FBXL2: variants seen among roughly 807,000 people sequenced by gnomAD.
FBXL2 encodes the protein F-box and leucine rich repeat protein 2, also known as F-box/LRR-repeat protein 2.
FBXL2 carries 38 observed loss-of-function variants against 69.2 expected under a neutral mutation model. The observed-to-expected ratio is 0.55, with a 90% CI of 0.42 to 0.72. The LOEUF (loss-of-function observed/expected upper bound fraction) is 0.72, where lower values mean the gene tolerates loss of function less well. FBXL2 is among the 30% of genes least tolerant of loss of function. The pLI is 0.00. For synonymous variants in FBXL2, 192 were observed against 201.3 expected (o/e 0.95, Z 0.39); for missense variants, 354 against 520.3 (o/e 0.68, Z 3.11).
intron 2 of FBXL2, among the ~76,000 whole-genome samples, chr3:33,346,471 A>G (rs951525793): frequency 2.6e-5 from 4 of 151,912 alleles, no homozygotes; most frequent in African/African-American, 9.7e-5. Context: ...ACTCAGGAGG[A>G]TCCCTTGAGC....
chr3:33,331,885 A>G (rs2039194009), intron 2 of FBXL2, among the ~76,000 whole-genome samples: 2 of 152,340 alleles, frequency 1.3e-5, no homozygotes, highest in Admixed American at 1.3e-4. Context: ...AGATGAAGAT[A>G]CAGAGATATA....
downstream of FBXL2, chr3:33,392,274 T>C: frequency 3.3e-6 from 1 of 303,326 alleles, no homozygotes; most frequent in Non-Finnish European, 6.0e-6. Flanking sequence ...TTCTGTTTTA[T>C]TCAATAGATC....
chr3:33,389,037 G>A (rs996701501), downstream of FBXL2: 1 of 152,448 alleles, frequency 6.6e-6, no homozygotes, highest in Admixed American at 6.5e-5. Flanking sequence ...TACACCACAG[G>A]CCTCAAACAT....
chr3:33,416,608 T>A, the FBXL2 span: 2 of 577,530 alleles, frequency 3.5e-6, no homozygotes, highest in Non-Finnish European at 5.9e-6. Flanking sequence ...CTGCTATAAT[T>A]CCCATTTTAC....
the FBXL2 span, among the ~76,000 whole-genome samples, chr3:33,417,462 G>GTCCTTTTTATTGCCAAATAATATTCAT: frequency 6.6e-6 from 1 of 152,154 alleles, no homozygotes; most frequent in Non-Finnish European, 1.5e-5. Flanking sequence ...GTATATATCA[G>GTCCTTTTTATTGCCAAATAATATTCAT]TCCTTTTTAT....
intron 5 of FBXL2, chr3:33,372,809 G>A: frequency 1.9e-6 from 1 of 529,682 alleles, no homozygotes; most frequent in East Asian, 3.3e-5. Context: ...CAAGCTGTGG[G>A]TAAAGGAGAA....
intron 2 of FBXL2, among the ~76,000 whole-genome samples, chr3:33,326,400 G>A (rs1190561960): frequency 1.3e-5 from 2 of 152,022 alleles, no homozygotes; most frequent in African/African-American, 4.8e-5. Context: ...CTACTGGGGA[G>A]GCTGAGGCAG....
intron 1 of FBXL2, among the ~76,000 whole-genome samples, chr3:33,288,503 G>C (rs1394035921): frequency 6.6e-6 from 1 of 152,168 alleles, no homozygotes; most frequent in South Asian, 2.1e-4. Flanking sequence ...GGGAAGGGAT[G>C]TGTTGCTTTT....
chr3:33,414,426 A>T, the FBXL2 span, among the ~76,000 whole-genome samples: 4 of 152,178 alleles, frequency 2.6e-5, no homozygotes, highest in African/African-American at 9.7e-5. Flanking sequence ...TAAGACTAAA[A>T]GAAAAAAATA....
intron 5 of FBXL2, among the ~76,000 whole-genome samples, chr3:33,370,695 A>G (rs1216375756): frequency 6.6e-6 from 1 of 151,852 alleles, no homozygotes; most frequent in East Asian, 1.9e-4. Flanking sequence ...GGCTCACTGT[A>G]ACCTCCACCT....
intron 2 of FBXL2, among the ~76,000 whole-genome samples, chr3:33,317,104 C>T (rs1295485946): frequency 6.6e-6 from 1 of 151,996 alleles, no homozygotes; most frequent in Non-Finnish European, 1.5e-5. Flanking sequence ...CACTATGTTG[C>T]CCAGGCCAGT....
At chr3:33,373,191 T>C in intron 6 of FBXL2, 31 bp downstream of exon 6, 1 of 1,611,820 alleles carries the variant, frequency 6.2e-7, no homozygotes, top group Non-Finnish European at 8.5e-7. Flanking sequence ...GGTGACCAAA[T>C]AGCCACGGGG....
chr3:33,373,800 TC>T lies in FBXL2; in HGVS notation c.583-44del, dbSNP rs761105548. 1.1e-4 allele frequency: 179 copies of T among 1,613,778 alleles called. 4 individuals carry two copies. In the South Asian group the frequency reaches 1.9e-3, roughly 18 times the overall value. The stretch of plus-strand genomic sequence containing the variant: ...TGCATTTTTCTTGGTGTCCCACTGT[TC>T]CCTCACCTGGATTCCAGCTGTCTTT... On this transcript the variant is annotated intron_variant, in intron 8 of 14. Transcript: ENST00000484457.
chr3:33,295,190 G>A (rs1236681901), intron 1 of FBXL2, among the ~76,000 whole-genome samples: 2 of 152,162 alleles, frequency 1.3e-5, no homozygotes, highest in African/African-American at 4.8e-5. Context: ...TTGTGTGACT[G>A]TTACAACTGT....
upstream of FBXL2, chr3:33,277,201 C>A: frequency 5.8e-6 from 2 of 347,486 alleles, no homozygotes; most frequent in Non-Finnish European, 1.0e-5. Context: ...AAAAAAAATC[C>A]ATGGTCTCTT....
At position 33,364,651 on chromosome 3, in the gene FBXL2, G is replaced by C; in HGVS notation, c.222G>C (p.Lys74Asn). The C allele has an allele frequency of 6.2e-7, 1 of 1,614,188 alleles. No individual in the cohort carries two copies. The change falls in exon 5 of 15, where the codon AAG becomes AAC. Residue 74 changes from lysine (K) to asparagine (N), a missense_variant. Transcript: ENST00000484457. ...GTCGAGTGGTGGAAAATATCTCGAAGCGATGCGGTGGATTCCTGAGGAAGC... is the reference window on the plus strand; with the variant it reads ...GTCGAGTGGTGGAAAATATCTCGAACCGATGCGGTGGATTCCTGAGGAAGC... ...VEGRVVENIS[K>N]RCGGFLRKLS...
downstream of FBXL2, chr3:33,392,521 T>C (rs753800941): frequency 1.9e-6 from 3 of 1,569,708 alleles, no homozygotes; most frequent in South Asian, 2.3e-5. Context: ...ACACCATCTC[T>C]CATGATTCCA....
intron 2 of FBXL2, among the ~76,000 whole-genome samples, chr3:33,349,477 T>C (rs547818401): frequency 6.6e-6 from 1 of 152,348 alleles, no homozygotes; most frequent in East Asian, 1.9e-4. Flanking sequence ...TGAATGATCA[T>C]TTTAATGTGT....
intron 12 of FBXL2, chr3:33,393,496 T>C: frequency 6.4e-7 from 1 of 1,572,722 alleles, no homozygotes; most frequent in Non-Finnish European, 8.6e-7. Flanking sequence ...TTAACAGTAA[T>C]CTTTGATCTG....
Sources: allele counts gnomAD v4.1 joint callset (sites outside exome capture counted in the v4.1 genomes callset), GRCh38; gene constraint gnomAD v4.1.1; transcripts MANE v1.5; gene names NCBI Gene and HGNC (gene_info 2026-07-23, HGNC 2026-07-21).